The following SRL variants were observed in gnomAD, a reference collection of about 807,000 sequenced individuals.
SRL encodes the protein sarcalumenin.
In SRL, 23 loss-of-function variants were observed where a neutral mutation model predicts 39.5. That is an observed-to-expected ratio of 0.58 (90% confidence interval 0.42 to 0.82). The LOEUF (loss-of-function observed/expected upper bound fraction) is 0.82. SRL is among the 40% of genes least tolerant of loss of function. The pLI, the probability that SRL is intolerant of heterozygous loss-of-function variation, is 0.00. For missense variants in SRL, 592 were observed against 607.8 expected, an observed-to-expected ratio of 0.97 and a Z score of 0.27; for synonymous variants, 272 against 237.4, an observed-to-expected ratio of 1.15 and a Z score of -1.34.
intron 1 of SRL, among the ~76,000 whole-genome samples, chr16:4,240,064 C>CT: frequency 6.6e-6 from 1 of 152,306 alleles, no homozygotes; most frequent in South Asian, 2.1e-4. Flanking sequence ...GCCCACCACC[C>CT]CAGCCAGAGC....
At chr16:4,235,706 A>C (rs1239973892) in intron 1 of SRL, among the ~76,000 whole-genome samples, 1 of 152,178 alleles carries the variant, frequency 6.6e-6, no homozygotes, top group Non-Finnish European at 1.5e-5. Flanking sequence ...ATCTCAAAAA[A>C]ATAAATAAAA....
intron 1 of SRL, among the ~76,000 whole-genome samples, chr16:4,213,382 CT>C (rs911837341): frequency 1.2e-5 from 1 of 83,790 alleles, no homozygotes; most frequent in African/African-American, 6.1e-5. Flanking sequence ...CTTACAGCAT[CT>C]TTTTTTTTCT....
chr16:4,220,310 A>ACACACACACACAC (rs1567185112), intron 1 of SRL, among the ~76,000 whole-genome samples: 21 of 49,190 alleles, frequency 4.3e-4, no homozygotes, highest in Non-Finnish European at 5.8e-4. Context: ...CACACACACA[A>ACACACACACACAC]ATAACCGGGT....
chr16:4,202,338 A>G (rs1400645462), intron 3 of SRL, among the ~76,000 whole-genome samples: 1 of 152,232 alleles, frequency 6.6e-6, no homozygotes, highest in African/African-American at 2.4e-5. Context: ...TCACGCTTGT[A>G]ATCCCAGCAC....
intron 1 of SRL, among the ~76,000 whole-genome samples, chr16:4,228,401 A>T (rs550976106): frequency 6.6e-6 from 1 of 151,742 alleles, no homozygotes; most frequent in Non-Finnish European, 1.5e-5. Context: ...GCACCACTGC[A>T]CTCCAACCCG....
intron 2 of SRL, 40 bp downstream of exon 2, chr16:4,204,493 G>A (rs746451009): frequency 1.5e-5 from 22 of 1,469,358 alleles, no homozygotes; most frequent in Non-Finnish European, 1.7e-5. Context: ...CTGGTGGCCG[G>A]GCTCTCCCAG....
intron 1 of SRL, chr16:4,207,195 C>G (rs1006537180): frequency 4.4e-6 from 2 of 456,906 alleles, no homozygotes; most frequent in East Asian, 1.4e-4. Context: ...GGAGGGAACT[C>G]CTCCTTCTTC....
chr16:4,206,847 G>A, intron 1 of SRL: 1 of 456,764 alleles, frequency 2.2e-6, no homozygotes, highest in South Asian at 1.5e-5. Context: ...GCCAGGCTGG[G>A]CCCCTCTGTC....
At position 4,209,752 on chromosome 16, in the gene SRL, C is replaced by T. The variant is rs142666052; in HGVS notation, c.62-5118G>A. On this transcript the variant is annotated intron_variant, in intron 1 of 5. Transcript: ENST00000399609. Reference sequence around the variant, plus strand: ...TTGAAATATACAACTTTTCCCCCAGCACTTTCATATGCATGGCCATTTAAC... The same window carrying T: ...TTGAAATATACAACTTTTCCCCCAGTACTTTCATATGCATGGCCATTTAAC... Among the ~76,000 whole-genome samples the T allele has an allele frequency of 3.3e-3, 507 of 152,330 alleles. 3 individuals are homozygous for T. The highest frequency in any genetic ancestry group is 0.013 in the Admixed American group (197 of 15,308).
chr16:4,197,014 C>A (rs993654734), intron 4 of SRL, among the ~76,000 whole-genome samples: 6 of 149,014 alleles, frequency 4.0e-5, no homozygotes, highest in Non-Finnish European at 7.4e-5. Context: ...CTGCTATGGA[C>A]ATTGGTGCAG....
At chr16:4,233,867 G>A (rs866610087) in intron 1 of SRL, among the ~76,000 whole-genome samples, 14 of 151,960 alleles carry the variant, frequency 9.2e-5, no homozygotes, top group Admixed American at 3.9e-4. Flanking sequence ...TCCCTAACCC[G>A]AGTCCATCCT....
chr16:4,234,090 G>C (rs2052688526), intron 1 of SRL, among the ~76,000 whole-genome samples: 2 of 152,018 alleles, frequency 1.3e-5, no homozygotes, highest in Non-Finnish European at 2.9e-5. Flanking sequence ...GACCTCCTAG[G>C]CTCAAGCCAT....
At chr16:4,207,851 T>G (rs2052343773) in intron 1 of SRL, 3 of 456,130 alleles carry the variant, frequency 6.6e-6, no homozygotes, top group Non-Finnish European at 1.3e-5. Context: ...CAGGTGGAGG[T>G]GACTCTGTGG....
Position 4,211,309 on chromosome 16 carries a change from C to T in SRL, c.62-6675G>A, listed in dbSNP as rs554553364. Among the ~76,000 whole-genome samples, 14 of 149,674 alleles carry T rather than the reference C, an allele frequency of 9.4e-5. No homozygotes were observed. The East Asian group carries it at 2.7e-3, about 29-fold the overall frequency. On this transcript the variant is annotated intron_variant, in intron 1 of 5. Coordinates refer to ENST00000399609, the MANE Select transcript of SRL (RefSeq NM_001098814.2). ...TAAGGATCCCCATTGTGGGCTCCCA[C>T]GTTGGGGGGGGTCTCCTAGGGCCTG...
intron 1 of SRL, among the ~76,000 whole-genome samples, chr16:4,228,505 G>T (rs1336881627): frequency 6.6e-6 from 1 of 152,072 alleles, no homozygotes; most frequent in Non-Finnish European, 1.5e-5. Flanking sequence ...GGAGGCCGAG[G>T]CGGGCGGATC....
intron 1 of SRL, among the ~76,000 whole-genome samples, chr16:4,221,727 C>T (rs1342679381): frequency 6.6e-6 from 1 of 152,240 alleles, no homozygotes; most frequent in Non-Finnish European, 1.5e-5. Flanking sequence ...TGTTCACTCA[C>T]AGTCCTAGAG....
chr16:4,196,955 A>G (rs2052154888), intron 4 of SRL, among the ~76,000 whole-genome samples: 1 of 151,700 alleles, frequency 6.6e-6, no homozygotes, highest in South Asian at 2.1e-4. Context: ...CCTTTCATCC[A>G]TTGATGAACA....
intron 1 of SRL, among the ~76,000 whole-genome samples, chr16:4,228,045 A>T (rs1357926098): frequency 2.0e-5 from 3 of 152,172 alleles, no homozygotes; most frequent in Non-Finnish European, 2.9e-5. Context: ...TGTGGTTAGG[A>T]CAGTGGGACA....
intron 1 of SRL, among the ~76,000 whole-genome samples, chr16:4,226,295 T>C (rs532327952): frequency 6.6e-6 from 1 of 152,296 alleles, no homozygotes; most frequent in South Asian, 2.1e-4. Context: ...GATGAACGAA[T>C]GGACAGCTGG....
Sources: allele counts gnomAD v4.1 joint callset (sites outside exome capture counted in the v4.1 genomes callset), GRCh38; gene constraint gnomAD v4.1.1; transcripts MANE v1.5; gene names NCBI Gene and HGNC (gene_info 2026-07-23, HGNC 2026-07-21).